FNTB: variants seen among roughly 807,000 people sequenced by gnomAD.
The protein encoded by FNTB is farnesyltransferase, CAAX box, subunit beta.
Under a neutral mutation model 59.4 loss-of-function variants are expected in FNTB, and 27 were observed. The ratio of observed to expected loss-of-function variants is 0.45; its 90% CI spans 0.34 to 0.63. The LOEUF is 0.63. Ranked by LOEUF, FNTB falls within the 20% of genes least tolerant of loss-of-function variation. FNTB has a pLI of 0.02. For missense variants in FNTB, 449 were observed against 559.6 expected (o/e 0.80, Z 1.99); for synonymous variants, 230 against 220.7 (o/e 1.04, Z -0.37).
intron 3 of FNTB, 75 bp from the exon 4 acceptor site, chr14:65,015,550 A>G (rs766038473): frequency 6.5e-6 from 10 of 1,530,496 alleles, no homozygotes; most frequent in Non-Finnish European, 9.0e-6. Context: ...TGGGAGTGAG[A>G]CAGATACAGC....
In FNTB at chr14:65,014,479, CT is replaced by C. The variant is rs1482649368; in HGVS notation, c.283-1145del. Among the ~76,000 whole-genome samples, 2 of 152,160 alleles carry C rather than the reference CT, an allele frequency of 1.3e-5. No individual in the cohort carries two copies. Among genetic ancestry groups the C allele is most frequent in the Admixed American group, 1.3e-4 (2 of 15,272 alleles). ...TATGTCTGTCCAGTGCTCTCTTCCCCTACAGGTAACCACACACATTCTATAT... is the reference window on the plus strand; with the variant it reads ...TATGTCTGTCCAGTGCTCTCTTCCCCACAGGTAACCACACACATTCTATAT... On this transcript the variant is annotated intron_variant, in intron 3 of 11. Transcript: ENST00000246166. This position sits in a 1 kb window ranked among gnomAD's most constrained non-coding sequence, Gnocchi z 5.1.
rs1555389706 is a variant in FNTB at position 65,000,838 on chromosome 14, A to AAAAG, written c.145-3408_145-3405dup. Reference sequence around the variant, plus strand: ...CTCAAAAAAAAAAAAAAAAAAAAAAAAAAGAATAGTTACCCAAAAAGCTGG... The same window carrying AAAAG: ...CTCAAAAAAAAAAAAAAAAAAAAAAAAAAGAAAGAATAGTTACCCAAAAAGCTGG... On this transcript the variant is annotated intron_variant, in intron 1 of 11. Transcript: ENST00000246166. Among the ~76,000 whole-genome samples, 22 of 116,092 alleles carry AAAAG rather than the reference A, an allele frequency of 1.9e-4. 4 individuals carry two copies. In the East Asian group the frequency reaches 2.1e-3, roughly 11 times the overall value. 76.2% of individuals were successfully genotyped at this position (116,092 alleles called of 152,430 possible).
At chr14:65,017,572 A>G (rs911862317) in intron 4 of FNTB, among the ~76,000 whole-genome samples, 1 of 152,210 alleles carries the variant, frequency 6.6e-6, no homozygotes, top group Non-Finnish European at 1.5e-5. Context: ...GGGCAATGTC[A>G]CATAGGAAGA....
At chr14:65,060,888 AAAAAAAAC>A (rs1403132576) in intron 11 of FNTB, among the ~76,000 whole-genome samples, 2 of 149,058 alleles carry the variant, frequency 1.3e-5, no homozygotes, top group Non-Finnish European at 3.0e-5. Flanking sequence ...AAAAAAAAAA[AAAAAAAAC>A]AGTTTGAGAT....
Position 65,027,493 on chromosome 14 carries a change from G to A in FNTB, c.415G>A (p.Gly139Ser). The change falls in exon 5 of 12, where the codon GGC becomes AGC. Residue 139 changes from glycine (G) to serine (S), a missense_variant. Physicochemically the swap from Gly to Ser is moderately conservative, Grantham distance 56. Coordinates refer to ENST00000246166, the MANE Select transcript of FNTB (RefSeq NM_002028.4). This position sits in a 1 kb window ranked among gnomAD's most constrained non-coding sequence, Gnocchi z 5.7. ...GGAGCTGTGTCAGAGCCCAGAAGGT[G>A]GCTTTGGAGGAGGACCCGGTCAGTA... is the stretch of plus-strand genomic sequence containing the variant. ...FLELCQSPEG[G>S]FGGGPGQYPH... 1 of 1,614,208 alleles carries A rather than the reference G, an allele frequency of 6.2e-7. No individual in the cohort carries two copies. The highest frequency in any genetic ancestry group is 8.5e-7 in the Non-Finnish European group (1 of 1,180,044).
Position 65,054,500 on chromosome 14 carries a change from C to CT in FNTB, c.1068-74dup. On this transcript the variant is annotated intron_variant, in intron 10 of 11. Transcript: ENST00000246166. The surrounding 1 kb of genome is among the most constrained non-coding windows in gnomAD (Gnocchi z 4.4). Reference sequence around the variant, plus strand: ...GGACGTGTGATTGCACCAGTGGTCTCTGAATTGGTGTGGCTACATTTGTAG... The same window carrying CT: ...GGACGTGTGATTGCACCAGTGGTCTCTTGAATTGGTGTGGCTACATTTGTAG... 1 of 1,445,752 alleles carries CT rather than the reference C, an allele frequency of 6.9e-7. No homozygotes were observed. The allele number at this position is 1,445,752 out of a possible 1,614,324, so 89.6% of individuals were successfully genotyped here.
At chr14:65,048,721 G>A (rs945573936) in intron 9 of FNTB, among the ~76,000 whole-genome samples, 2 of 152,094 alleles carry the variant, frequency 1.3e-5, no homozygotes, top group African/African-American at 4.8e-5. Context: ...CAGACATGGT[G>A]GCACATGCCT....
intron 2 of FNTB, among the ~76,000 whole-genome samples, chr14:65,005,031 T>C (rs2061559749): frequency 6.6e-6 from 1 of 152,234 alleles, no homozygotes; most frequent in Admixed American, 6.5e-5. Flanking sequence ...GGATGGATTA[T>C]TATTTGACTG....
Position 65,015,664 on chromosome 14 carries a change from C to A in FNTB, c.322C>A (p.Leu108Met), listed in dbSNP as rs1190756835. 1 of 1,614,162 alleles carries A rather than the reference C, an allele frequency of 6.2e-7. No individual in the cohort carries two copies. Among genetic ancestry groups the A allele is most frequent in the African/African-American group, 1.3e-5 (1 of 75,048 alleles). ...CCGCCCATGGCTCTGCTATTGGATC[C>A]TGCACAGCTTGGAACTGCTAGATGA... is the stretch of plus-strand genomic sequence containing the variant. ...ASRPWLCYWI[L>M]HSLELLDEPI... Residue 108 changes from leucine to methionine, a missense_variant, in exon 4 of 12, where the codon CTG becomes ATG. By Grantham distance (15) the Leu-to-Met change is conservative. Around this residue, in one of 2 missense-constraint regions of FNTB, gnomAD observed 337 missense variants for 479.1 expected, o/e 0.70. Transcript: ENST00000246166.
chr14:65,058,189 A>C (rs1402975626), intron 11 of FNTB, among the ~76,000 whole-genome samples: 1 of 148,828 alleles, frequency 6.7e-6, no homozygotes, highest in Non-Finnish European at 1.5e-5. Context: ...CCATTTATGA[A>C]CATAATTTTT....
In FNTB at chr14:64,987,025, C is replaced by T. The variant is rs145259305; in HGVS notation, c.72C>T (p.Tyr24=). 8.5e-4 allele frequency: 1,377 copies of T among 1,614,118 alleles called. 2 individuals are homozygous for T. The highest frequency in any genetic ancestry group is 1.0e-3 in the Non-Finnish European group (1,223 of 1,180,050). Residue 24 remains tyrosine (Y), a synonymous_variant, in exon 1 of 12, where the codon TAC becomes TAT. Coordinates refer to ENST00000246166, the MANE Select transcript of FNTB (RefSeq NM_002028.4). ...SSSPVWSEPL[Y]SLRPEHARER... ...CCCCCGTCTGGTCAGAGCCGCTGTA[C>T]AGTCTGAGGCCCGAGCACGCGCGAG...
rs1425445929 is a variant in FNTB at position 65,011,410 on chromosome 14, C to G, written c.210-907C>G. 7.7e-6 allele frequency among the ~76,000 whole-genome samples: 1 copy of G among 130,242 alleles called. No individual in the cohort carries two copies. Among genetic ancestry groups the G allele is most frequent in the Non-Finnish European group, 1.5e-5 (1 of 65,456 alleles). 85.4% of individuals were successfully genotyped at this position (130,242 alleles called of 152,430 possible). ...CACCACTGCACTCCAGCCTGGGTGA[C>G]AGAGCGAGACTCCGTCTCAGGAAAA... is the stretch of plus-strand genomic sequence containing the variant. On this transcript the variant is annotated intron_variant, in intron 2 of 11. Transcript: ENST00000246166. The surrounding 1 kb of genome is among the most constrained non-coding windows in gnomAD (Gnocchi z 4.0).
At chr14:65,053,876 G>A (rs1432456772) in intron 10 of FNTB, among the ~76,000 whole-genome samples, 1 of 152,072 alleles carries the variant, frequency 6.6e-6, no homozygotes, top group Non-Finnish European at 1.5e-5. Context: ...GGGAAGGCCT[G>A]GTCCCACAAT....
At chr14:65,006,111 C>G (rs1423198365) in intron 2 of FNTB, 9 of 1,590,362 alleles carry the variant, frequency 5.7e-6, no homozygotes, top group Non-Finnish European at 7.7e-6. Flanking sequence ...CTTCTGCTTA[C>G]TGGAACATTA....
intron 4 of FNTB, among the ~76,000 whole-genome samples, chr14:65,019,055 G>A (rs914507302): frequency 2.0e-5 from 3 of 151,844 alleles, no homozygotes; most frequent in South Asian, 2.1e-4. Flanking sequence ...CTGCACTCCC[G>A]GCTCCTACTC....
At position 65,044,733 on chromosome 14, in the gene FNTB, G is replaced by GGAA. The variant is rs772524904; in HGVS notation, c.955+292_955+294dup. 92 of 417,866 alleles carry GGAA rather than the reference G, an allele frequency of 2.2e-4. No individual in the cohort carries two copies. In the South Asian group the frequency reaches 2.7e-3, roughly 12 times the overall value. The allele number at this position is 417,866 out of a possible 1,614,324, so 25.9% of individuals were successfully genotyped here. Reference sequence around the variant, plus strand: ...AGTGGGCGCTGCTTCTGCGTTATCTGGAAGGAGCAGCCCACTCCTGTCCTG... The same window carrying GGAA: ...AGTGGGCGCTGCTTCTGCGTTATCTGGAAGAAGGAGCAGCCCACTCCTGTCCTG... On this transcript the variant is annotated intron_variant, in intron 9 of 11. Coordinates refer to ENST00000246166, the MANE Select transcript of FNTB (RefSeq NM_002028.4). The surrounding 1 kb of genome is among the most constrained non-coding windows in gnomAD (Gnocchi z 5.5).
intron 1 of FNTB, among the ~76,000 whole-genome samples, chr14:64,993,366 G>A (rs1888276297): frequency 6.6e-6 from 1 of 152,222 alleles, no homozygotes; most frequent in African/African-American, 2.4e-5. Flanking sequence ...TACTAAATTT[G>A]TGTTTAATTT....
At chr14:65,016,920 GTTTT>G (rs34191835) in intron 4 of FNTB, among the ~76,000 whole-genome samples, 1 of 114,850 alleles carries the variant, frequency 8.7e-6, no homozygotes, top group Non-Finnish European at 1.7e-5. Context: ...GGCCCACGTG[GTTTT>G]TTTTTTTTTT....
intron 4 of FNTB, among the ~76,000 whole-genome samples, chr14:65,024,062 A>T (rs1187685028): frequency 6.6e-6 from 1 of 151,696 alleles, no homozygotes; most frequent in East Asian, 1.9e-4. Flanking sequence ...AGATCGCTCA[A>T]CTGCACTCCA....
Sources: allele counts gnomAD v4.1 joint callset (sites outside exome capture counted in the v4.1 genomes callset), GRCh38; gene constraint gnomAD v4.1.1; regional missense constraint gnomAD v4.1.1; non-coding constraint Gnocchi (gnomAD v3.1); transcripts MANE v1.5; gene names NCBI Gene and HGNC (gene_info 2026-07-23, HGNC 2026-07-21).